Variants in LDLRAD3 observed in about 807,000 individuals in gnomAD.
The protein encoded by LDLRAD3 is low density lipoprotein receptor class A domain containing 3.
A neutral mutation model predicts 29.4 loss-of-function variants in LDLRAD3; 20 were observed. That is an observed-to-expected ratio of 0.68 (90% CI 0.48 to 0.99). The LOEUF (loss-of-function observed/expected upper bound fraction) is 0.99. Ranked by LOEUF, LDLRAD3 falls within the 50% of genes least tolerant of loss-of-function variation. The pLI is 0.00. For missense variants in LDLRAD3, 420 were observed against 454.3 expected (o/e 0.92, Z 0.69); for synonymous variants, 157 against 192.7 (o/e 0.81, Z 1.53).
intron 2 of LDLRAD3, among the ~76,000 whole-genome samples, chr11:36,077,182 T>A (rs554850527): frequency 6.6e-6 from 1 of 152,192 alleles, no homozygotes; most frequent in Non-Finnish European, 1.5e-5. Context: ...CAGTTCCCCA[T>A]GTTTTTTCAC....
intron 1 of LDLRAD3, among the ~76,000 whole-genome samples, chr11:35,993,976 G>A (rs1172692518): frequency 6.6e-6 from 1 of 152,096 alleles, no homozygotes; most frequent in Non-Finnish European, 1.5e-5. Context: ...TAGATTTAAA[G>A]GTTTTCTTTT....
chr11:36,209,668 A>G (rs964571985), intron 4 of LDLRAD3, among the ~76,000 whole-genome samples: 4 of 152,242 alleles, frequency 2.6e-5, no homozygotes, highest in South Asian at 2.1e-4. Flanking sequence ...AAACTGTACT[A>G]TTTTTGCAAC....
At chr11:36,016,456 A>G (rs1232792509) in intron 1 of LDLRAD3, among the ~76,000 whole-genome samples, 1 of 152,182 alleles carries the variant, frequency 6.6e-6, no homozygotes, top group Non-Finnish European at 1.5e-5. Context: ...GAGTAAGATG[A>G]CTGTTTCCTT....
At chr11:36,140,807 T>A (rs538739469) in intron 4 of LDLRAD3, among the ~76,000 whole-genome samples, 9 of 152,290 alleles carry the variant, frequency 5.9e-5, no homozygotes, top group African/African-American at 1.9e-4. Flanking sequence ...AAAAATAGAC[T>A]TTCAGGTTGC....
chr11:36,109,730 A>T (rs145907063), intron 4 of LDLRAD3, among the ~76,000 whole-genome samples: 1 of 147,336 alleles, frequency 6.8e-6, no homozygotes, highest in African/African-American at 2.5e-5. Context: ...AGTTTTCCAA[A>T]TATGGATGGA....
chr11:36,068,591 A>G (rs919655173), intron 2 of LDLRAD3, among the ~76,000 whole-genome samples: 11 of 152,174 alleles, frequency 7.2e-5, no homozygotes, highest in African/African-American at 2.7e-4. Context: ...ATCTCAGCTC[A>G]CTGCAATCAC....
At chr11:36,111,893 G>A (rs899837646) in intron 4 of LDLRAD3, among the ~76,000 whole-genome samples, 16 of 152,164 alleles carry the variant, frequency 1.1e-4, no homozygotes, top group East Asian at 3.8e-4. Context: ...CACCACGCCC[G>A]GCCCAGTCTG....
intron 1 of LDLRAD3, among the ~76,000 whole-genome samples, chr11:36,002,872 G>C (rs780931068): frequency 8.5e-5 from 13 of 152,158 alleles, no homozygotes; most frequent in Non-Finnish European, 1.3e-4. Context: ...AAGCTCACAG[G>C]CATCCTACAA....
At chr11:35,966,023 T>C (rs947177404) in intron 1 of LDLRAD3, among the ~76,000 whole-genome samples, 2 of 152,234 alleles carry the variant, frequency 1.3e-5, no homozygotes, top group Non-Finnish European at 2.9e-5. Context: ...TCTTACCCTT[T>C]TATCACGTAA....
At chr11:36,000,264 A>T (rs1851806950) in intron 1 of LDLRAD3, among the ~76,000 whole-genome samples, 1 of 148,780 alleles carries the variant, frequency 6.7e-6, no homozygotes, top group Admixed American at 6.7e-5. Flanking sequence ...TATATAGTGT[A>T]ATATATGTAT....
chr11:36,177,163 T>G (rs1353500720), intron 4 of LDLRAD3, among the ~76,000 whole-genome samples: 2 of 152,194 alleles, frequency 1.3e-5, no homozygotes, highest in African/African-American at 4.8e-5. Context: ...TTCCAGAAGT[T>G]GTAATTGTTT....
chr11:36,066,040 C>T (rs751334447), intron 2 of LDLRAD3, among the ~76,000 whole-genome samples: 11 of 152,098 alleles, frequency 7.2e-5, no homozygotes, highest in Non-Finnish European at 1.0e-4. Context: ...AACCCTTCTT[C>T]TTTTGGCAAA....
At chr11:36,206,656 C>G (rs889522631) in intron 4 of LDLRAD3, among the ~76,000 whole-genome samples, 1 of 151,874 alleles carries the variant, frequency 6.6e-6, no homozygotes, top group African/African-American at 2.4e-5. Flanking sequence ...AGCGTCAGTC[C>G]TAGGAAGGAA....
intron 1 of LDLRAD3, among the ~76,000 whole-genome samples, chr11:35,964,504 C>T (rs886747026): frequency 6.6e-6 from 1 of 152,146 alleles, no homozygotes; most frequent in African/African-American, 2.4e-5. Flanking sequence ...ACTGGGAAGG[C>T]TTTCCCTTGC....
intron 4 of LDLRAD3, among the ~76,000 whole-genome samples, chr11:36,151,848 A>G (rs545036216): frequency 7.2e-5 from 11 of 152,282 alleles, no homozygotes; most frequent in African/African-American, 2.6e-4. Flanking sequence ...ACTGAGTACT[A>G]TTGTCTTGTC....
chr11:35,969,256 CATAAT>C (rs2133145152), intron 1 of LDLRAD3, among the ~76,000 whole-genome samples: 1 of 152,322 alleles, frequency 6.6e-6, no homozygotes, highest in East Asian at 1.9e-4. Flanking sequence ...CCTGAAAACT[CATAAT>C]AGAATCTTTG....
At chr11:36,155,124 T>C (rs375832771) in intron 4 of LDLRAD3, among the ~76,000 whole-genome samples, 4 of 152,328 alleles carry the variant, frequency 2.6e-5, no homozygotes, top group East Asian at 3.9e-4. Flanking sequence ...TGATTAGGAA[T>C]TAATCAATGG....
At chr11:36,095,639 C>T (rs1420811737) in intron 3 of LDLRAD3, among the ~76,000 whole-genome samples, 3 of 152,144 alleles carry the variant, frequency 2.0e-5, no homozygotes, top group East Asian at 1.9e-4. Flanking sequence ...CACATAAACA[C>T]GTATGTGGCG....
chr11:36,069,719 G>T (rs7101931), intron 2 of LDLRAD3, among the ~76,000 whole-genome samples: 125 of 152,048 alleles, frequency 8.2e-4, no homozygotes, highest in African/African-American at 2.3e-3. Flanking sequence ...CCTTTCAGTT[G>T]CTCCTTTACC....
Sources: gnomAD v4.1 joint callset for allele counts (sites outside exome capture counted in the v4.1 genomes callset) on GRCh38, gnomAD v4.1.1 for gene constraint, MANE v1.5 for transcripts, NCBI Gene and HGNC (gene_info 2026-07-23, HGNC 2026-07-21) for gene names.